PAPPA: variants seen among roughly 807,000 people sequenced by gnomAD.
PAPPA encodes the protein pappalysin-1.
A neutral mutation model predicts 164.0 loss-of-function variants in PAPPA; 60 were observed. The ratio of observed to expected loss-of-function variants is 0.37; its 90% CI spans 0.30 to 0.45. The LOEUF (loss-of-function observed/expected upper bound fraction) is 0.45, where lower values mean the gene tolerates loss of function less well. PAPPA is among the 20% of genes least tolerant of loss of function. PAPPA has a pLI of 1.00. For missense variants in PAPPA, 1,782 were observed against 2,087.3 expected (o/e 0.85, Z 2.85); for synonymous variants, 875 against 814.1 (o/e 1.07, Z -1.27).
chr9:116,309,845 T>C (rs1845693386), intron 10 of PAPPA, among the ~76,000 whole-genome samples: 2 of 152,120 alleles, frequency 1.3e-5, no homozygotes, highest in African/African-American at 4.8e-5. Context: ...GTTTGGATCA[T>C]TGAAAGAAGA....
intron 16 of PAPPA, 105 bp downstream of exon 16, chr9:116,353,021 CT>C (rs1315202596): frequency 8.0e-5 from 65 of 807,618 alleles, no homozygotes; most frequent in Middle Eastern, 4.7e-4. Context: ...GAGGTAATGA[CT>C]GCCATTCATC....
intron 10 of PAPPA, among the ~76,000 whole-genome samples, chr9:116,325,833 A>T (rs978515513): frequency 1.1e-4 from 16 of 152,190 alleles, no homozygotes; most frequent in African/African-American, 3.4e-4. Flanking sequence ...TAAGTGAGAA[A>T]AGTGCACTAT....
rs189368882 is a variant in PAPPA at position 116,266,423 on chromosome 9, C to T, written c.2861+438C>T. Reference sequence around the variant, plus strand: ...TGAAAACTGCATATTTATTTGTTATCTCTATTGTATCATATTATACAACAA... The same window carrying T: ...TGAAAACTGCATATTTATTTGTTATTTCTATTGTATCATATTATACAACAA... On this transcript the variant is annotated intron_variant, in intron 8 of 21. Coordinates refer to ENST00000328252, the MANE Select transcript of PAPPA (RefSeq NM_002581.5). Among the ~76,000 whole-genome samples the T allele has an allele frequency of 3.5e-4, 54 of 152,280 alleles. 1 individual carries two copies. Among genetic ancestry groups the T allele is most frequent in the Non-Finnish European group, 7.2e-4 (49 of 68,022 alleles).
intron 19 of PAPPA, among the ~76,000 whole-genome samples, chr9:116,374,026 A>G (rs12000734): frequency 1.3e-5 from 2 of 151,568 alleles, no homozygotes; most frequent in Non-Finnish European, 3.0e-5. Context: ...ACTGATGGTG[A>G]TGATGATATT....
Position 116,207,574 on chromosome 9 carries a change from T to C in PAPPA, c.1597T>C (p.Trp533Arg). The C allele has an allele frequency of 6.2e-7, 1 of 1,613,594 alleles. No homozygotes were observed. The highest frequency in any genetic ancestry group is 8.5e-7 in the Non-Finnish European group (1 of 1,179,684). Reference protein sequence around the residue: ...EELAGVATWPWDKEALMHLGG... With the variant: ...EELAGVATWPRDKEALMHLGG... ...GTTGGCAGGAGTAGCAACTTGGCCA[T>C]GGGACAAGGAGGCCCTGATGCACTT... Residue 533 changes from tryptophan (W) to arginine (R), a missense_variant, in exon 3 of 22, where the codon TGG (tryptophan) becomes CGG (arginine). This residue lies in a region of PAPPA where 1,324 missense variants were observed against 1,656.9 expected (regional missense o/e 0.80). Transcript: ENST00000328252.
rs1467783104 is a variant in PAPPA at position 116,398,679 on chromosome 9, A to T, written c.*2063A>T. 1.9e-6 allele frequency: 1 copy of T among 516,672 alleles called. No individual in the cohort carries two copies. Among genetic ancestry groups the T allele is most frequent in the South Asian group, 1.5e-5 (1 of 65,648 alleles). 32.0% of individuals were successfully genotyped at this position (516,672 alleles called of 1,614,324 possible). ...GGATGCAGTGCTGAGATAGTTTATG[A>T]GACTTGTACCATTTCACAAACTCTG... On this transcript the variant is annotated 3_prime_UTR_variant, in exon 22 of 22. Coordinates refer to ENST00000328252, the MANE Select transcript of PAPPA (RefSeq NM_002581.5).
intron 4 of PAPPA, among the ~76,000 whole-genome samples, chr9:116,213,990 T>C (rs533178571): frequency 2.0e-5 from 3 of 152,288 alleles, no homozygotes; most frequent in African/African-American, 7.2e-5. Context: ...TGGGTCAACT[T>C]CTTCTCGTTG....
At chr9:116,267,196 T>TAGACTA (rs1845078039) in intron 8 of PAPPA, among the ~76,000 whole-genome samples, 1 of 152,236 alleles carries the variant, frequency 6.6e-6, no homozygotes, top group Admixed American at 6.5e-5. Context: ...TCACTAACAC[T>TAGACTA]AAGCTAGAGG....
chr9:116,289,659 T>C (rs1036981267), intron 9 of PAPPA, among the ~76,000 whole-genome samples: 2 of 152,100 alleles, frequency 1.3e-5, no homozygotes, highest in Non-Finnish European at 2.9e-5. Flanking sequence ...TAGAATCATA[T>C]AGAATGTCTA....
rs1442719111 is a variant in PAPPA, at chr9:116,263,983, C to A, written c.2733-1874C>A. 2.0e-5 allele frequency among the ~76,000 whole-genome samples: 3 copies of A among 152,262 alleles called. No individual in the cohort carries two copies. The East Asian group carries it at 5.8e-4, about 29-fold the overall frequency. On this transcript the variant is annotated intron_variant, in intron 7 of 21. Coordinates refer to ENST00000328252, the MANE Select transcript of PAPPA (RefSeq NM_002581.5). ...TCTACTTAGACAATGACTGGATAGC[C>A]CCAGTGGACTGGGATGTAGTCTGAA... is the stretch of plus-strand genomic sequence containing the variant.
At chr9:116,194,249 C>T (rs2118645277) in intron 2 of PAPPA, among the ~76,000 whole-genome samples, 1 of 152,284 alleles carries the variant, frequency 6.6e-6, no homozygotes, top group East Asian at 1.9e-4. Flanking sequence ...CCTCCAATTC[C>T]ACATCTATTT....
intron 1 of PAPPA, among the ~76,000 whole-genome samples, chr9:116,171,493 AC>A (rs916297256): frequency 1.4e-4 from 17 of 122,046 alleles, no homozygotes; most frequent in Admixed American, 4.3e-4. Flanking sequence ...CCCACTTTCA[AC>A]CCCCCCACCA....
chr9:116,194,010 T>C (rs1395217840), intron 2 of PAPPA, among the ~76,000 whole-genome samples: 1 of 152,084 alleles, frequency 6.6e-6, no homozygotes, highest in East Asian at 1.9e-4. Context: ...AGACATGTAG[T>C]GATAATAGGG....
At chr9:116,230,879 T>C (rs1321826864) in intron 6 of PAPPA, among the ~76,000 whole-genome samples, 2 of 152,210 alleles carry the variant, frequency 1.3e-5, no homozygotes, top group Non-Finnish European at 2.9e-5. Flanking sequence ...AGATCACTTA[T>C]GCAAGTATAA....
chr9:116,182,455 G>A (rs1843918231), intron 1 of PAPPA, among the ~76,000 whole-genome samples: 1 of 152,186 alleles, frequency 6.6e-6, no homozygotes, highest in Non-Finnish European at 1.5e-5. Flanking sequence ...TTTTAGGATG[G>A]GGAGGAGTAT....
At chr9:116,268,676 A>G (rs1446974111) in intron 8 of PAPPA, among the ~76,000 whole-genome samples, 1 of 130,296 alleles carries the variant, frequency 7.7e-6, no homozygotes, top group Non-Finnish European at 1.6e-5. Context: ...CATAATTATT[A>G]TTAATTTTAA....
At chr9:116,269,332 T>C (rs1344560748) in intron 8 of PAPPA, among the ~76,000 whole-genome samples, 2 of 152,180 alleles carry the variant, frequency 1.3e-5, no homozygotes, top group Non-Finnish European at 2.9e-5. Flanking sequence ...GGATTCCCCA[T>C]TGCATTGTTG....
rs111546320 is a variant in PAPPA at position 116,238,961 on chromosome 9, A to C, written c.2732+3324A>C. On this transcript the variant is annotated intron_variant, in intron 7 of 21. Transcript: ENST00000328252. ...CTGCTTTCACATTTTTTCCATATCA[A>C]ATAAATTGGCTCTTATACAAGTTCT... 3.8e-3 allele frequency among the ~76,000 whole-genome samples: 576 copies of C among 152,342 alleles called. 4 individuals carry two copies. The highest frequency in any genetic ancestry group is 6.6e-3 in the Non-Finnish European group (447 of 68,028).
Position 116,347,298 on chromosome 9 carries a change from A to C in PAPPA, c.3964+89A>C, listed in dbSNP as rs975344706. On this transcript the variant is annotated intron_variant, in intron 15 of 21. Transcript: ENST00000328252. This position sits in a 1 kb window ranked among gnomAD's most constrained non-coding sequence, Gnocchi z 4.5. ...CAGGCCCTCTTTCTGGGTCTCAAAC[A>C]CCAAGGGTGGGATGGGTTTTATCTA... 1.1e-5 allele frequency: 13 copies of C among 1,163,072 alleles called. No homozygotes were observed. Among genetic ancestry groups the C allele is most frequent in the African/African-American group, 3.1e-5 (2 of 64,820 alleles). 72.0% of individuals were successfully genotyped at this position (1,163,072 alleles called of 1,614,324 possible). A position where few individuals can be genotyped will look rare whatever the true frequency, so the allele number is the denominator to read the frequency against.
Sources: allele counts gnomAD v4.1 joint callset (sites outside exome capture counted in the v4.1 genomes callset), GRCh38; gene constraint gnomAD v4.1.1; regional missense constraint gnomAD v4.1.1; non-coding constraint Gnocchi (gnomAD v3.1); transcripts MANE v1.5; gene names NCBI Gene and HGNC (gene_info 2026-07-23, HGNC 2026-07-21).